Variants in MDGA1 observed in about 807,000 individuals in gnomAD.
MDGA1 encodes the protein MAM domain-containing glycosylphosphatidylinositol anchor protein 1.
In MDGA1, 54 loss-of-function variants were observed where a neutral mutation model predicts 101.5. The observed-to-expected ratio is 0.53, with a 90% confidence interval of 0.43 to 0.67. MDGA1 has a LOEUF of 0.67. Among genes scored for constraint, MDGA1 ranks in the 30% least tolerant of loss-of-function variants. The pLI is 0.00. For synonymous variants in MDGA1, 533 were observed against 558.3 expected (o/e 0.95, Z 0.64); for missense variants, 1,083 against 1,323.8 (o/e 0.82, Z 2.82).
intron 1 of MDGA1, among the ~76,000 whole-genome samples, chr6:37,681,170 C>G (rs1762089200): frequency 6.6e-6 from 1 of 152,202 alleles, no homozygotes; most frequent in Admixed American, 6.5e-5. Flanking sequence ...TCTGTTTGAA[C>G]AAATTGCTAC....
intron 3 of MDGA1, among the ~76,000 whole-genome samples, chr6:37,656,759 C>G (rs1051108345): frequency 3.9e-5 from 6 of 152,110 alleles, no homozygotes; most frequent in African/African-American, 1.4e-4. Flanking sequence ...TTTGCAATCT[C>G]CCATCATGGG....
chr6:37,642,145 A>G (rs1405214400), intron 14 of MDGA1, among the ~76,000 whole-genome samples: 1 of 79,558 alleles, frequency 1.3e-5, no homozygotes, highest in Non-Finnish European at 2.8e-5. Flanking sequence ...GATTATATAT[A>G]TGTATATATA....
chr6:37,649,814 C>CT lies in MDGA1; in HGVS notation c.1609+294dup, dbSNP rs1269482804. 5 of 622,384 alleles carry CT rather than the reference C, an allele frequency of 8.0e-6. No individual in the cohort carries two copies. In the African/African-American group the frequency reaches 9.0e-5, roughly 11 times the overall value. 38.6% of individuals were successfully genotyped at this position (622,384 alleles called of 1,614,324 possible). ...CATCCTGTTATCAGACAGTGTTTCC[C>CT]TTGAGTGTCCTTCCTCCTCCTTCAA... On this transcript the variant is annotated intron_variant, in intron 8 of 16. Coordinates refer to ENST00000434837, the MANE Select transcript of MDGA1 (RefSeq NM_153487.4).
intron 1 of MDGA1, among the ~76,000 whole-genome samples, chr6:37,695,378 C>T (rs967514997): frequency 6.6e-6 from 1 of 152,234 alleles, no homozygotes; most frequent in African/African-American, 2.4e-5. Context: ...TCTCCCAGTC[C>T]CTGCTGCATT....
At chr6:37,691,615 T>C (rs975715353) in intron 1 of MDGA1, among the ~76,000 whole-genome samples, 11 of 152,254 alleles carry the variant, frequency 7.2e-5, no homozygotes, top group African/African-American at 2.7e-4. Flanking sequence ...TTACTCATAG[T>C]AGTTACTCAT....
chr6:37,647,343 G>GA lies in MDGA1; in HGVS notation c.1895-20_1895-19insT. 1.3e-6 allele frequency: 2 copies of GA among 1,505,228 alleles called. No homozygotes were observed. Among genetic ancestry groups the GA allele is most frequent in the Non-Finnish European group, 1.8e-6 (2 of 1,115,222 alleles). 93.2% of individuals were successfully genotyped at this position (1,505,228 alleles called of 1,614,324 possible). ...GCTTTGGCTAAGAGGGCGGGGAGGG[G>GA]GGCATTGGGCCGTGGAGGGTGCAGG... On this transcript the variant is annotated intron_variant, in intron 9 of 16. Transcript: ENST00000434837.
At chr6:37,675,362 G>A (rs956058604) in intron 1 of MDGA1, among the ~76,000 whole-genome samples, 1 of 152,154 alleles carries the variant, frequency 6.6e-6, no homozygotes, top group Non-Finnish European at 1.5e-5. Context: ...GTGAGGATTC[G>A]ATGAGACAAT....
At chr6:37,670,630 T>A (rs1202100270) in intron 1 of MDGA1, among the ~76,000 whole-genome samples, 1 of 152,224 alleles carries the variant, frequency 6.6e-6, no homozygotes, top group Non-Finnish European at 1.5e-5. Flanking sequence ...GCATTATTAT[T>A]CTATAAATGA....
Position 37,638,386 on chromosome 6 carries a change from CCA to C in MDGA1, c.2668-75_2668-74del. On this transcript the variant is annotated intron_variant, in intron 15 of 16. Coordinates refer to ENST00000434837, the MANE Select transcript of MDGA1 (RefSeq NM_153487.4). This position sits in a 1 kb window ranked among gnomAD's most constrained non-coding sequence, Gnocchi z 4.8. ...TGGGTACCAGAGTGCTCCCTCGACC[CCA>C]CCTTTCCCCTTAATCTACCTGGAAG... 6.7e-7 allele frequency: 1 copy of C among 1,502,636 alleles called. No homozygotes were observed. Among genetic ancestry groups the C allele is most frequent in the South Asian group, 1.2e-5 (1 of 81,602 alleles). 93.1% of individuals were successfully genotyped at this position (1,502,636 alleles called of 1,614,324 possible).
intron 11 of MDGA1, 65 bp downstream of exon 11, chr6:37,646,133 A>G: frequency 3.2e-6 from 5 of 1,553,306 alleles, no homozygotes; most frequent in Non-Finnish European, 4.4e-6. Context: ...CCACATGAGG[A>G]TGGTGAAAGG....
intron 3 of MDGA1, among the ~76,000 whole-genome samples, chr6:37,656,431 G>C (rs1239812432): frequency 6.6e-6 from 1 of 150,968 alleles, no homozygotes; most frequent in Admixed American, 6.6e-5. Flanking sequence ...GAAGGGGAAT[G>C]GCGCAATCAT....
intron 6 of MDGA1, among the ~76,000 whole-genome samples, chr6:37,653,492 G>A (rs993320928): frequency 6.6e-6 from 1 of 152,126 alleles, no homozygotes; most frequent in Non-Finnish European, 1.5e-5. Context: ...GTGCTAAAGA[G>A]CTGGAAACAA....
intron 2 of MDGA1, among the ~76,000 whole-genome samples, 166 bp from the exon 3 acceptor site, chr6:37,658,585 C>T (rs1457326445): frequency 6.6e-6 from 1 of 152,216 alleles, no homozygotes; most frequent in Non-Finnish European, 1.5e-5. Context: ...CGTGGGAATG[C>T]ACAGACGGGG....
chr6:37,696,868 G>C lies in MDGA1; in HGVS notation c.-57C>G, dbSNP rs1166121292. The C allele has an allele frequency of 2.7e-6, 4 of 1,483,712 alleles. No homozygotes were observed. The highest frequency in any genetic ancestry group is 1.2e-5 in the South Asian group (1 of 82,650). The allele number at this position is 1,483,712 out of a possible 1,614,324, so 91.9% of individuals were successfully genotyped here. A position where few individuals can be genotyped will look rare whatever the true frequency, so the allele number is the denominator to read the frequency against. ...GGCGCAGCCCGAGAGGCGGCGGGGG[G>C]CGCATTCGCCGGGGCCCCGCGACGC... On this transcript the variant is annotated 5_prime_UTR_variant, in exon 1 of 17. Coordinates refer to ENST00000434837, the MANE Select transcript of MDGA1 (RefSeq NM_153487.4). This position sits in a 1 kb window ranked among gnomAD's most constrained non-coding sequence, Gnocchi z 5.6.
At chr6:37,694,399 TC>T (rs1487221152) in intron 1 of MDGA1, among the ~76,000 whole-genome samples, 1 of 152,204 alleles carries the variant, frequency 6.6e-6, no homozygotes, top group African/African-American at 2.4e-5. Context: ...CCTGCCTAGC[TC>T]CTGCTGTTGT....
In MDGA1 at chr6:37,655,394, C is replaced by A. The variant is rs1761460862; in HGVS notation, c.579+306G>T. 1.1e-5 allele frequency: 4 copies of A among 360,034 alleles called. No homozygotes were observed. Among genetic ancestry groups the A allele is most frequent in the Non-Finnish European group, 2.0e-5 (4 of 198,864 alleles). 22.3% of individuals were successfully genotyped at this position (360,034 alleles called of 1,614,324 possible). The stretch of plus-strand genomic sequence containing the variant: ...ATCCTGCTGTGCCTGGCCACAGGTT[C>A]CCAATACTCTGCCACCCAGCAGCAG... On this transcript the variant is annotated intron_variant, in intron 4 of 16. Coordinates refer to ENST00000434837, the MANE Select transcript of MDGA1 (RefSeq NM_153487.4). The surrounding 1 kb of genome is among the most constrained non-coding windows in gnomAD (Gnocchi z 5.1).
At chr6:37,686,059 A>G (rs1762190900) in intron 1 of MDGA1, among the ~76,000 whole-genome samples, 1 of 152,184 alleles carries the variant, frequency 6.6e-6, no homozygotes, top group South Asian at 2.1e-4. Context: ...TTTCTAACAG[A>G]ATACAGATAT....
chr6:37,650,142 G>A lies in MDGA1; in HGVS notation c.1576C>T (p.Pro526Ser). 6.2e-7 allele frequency: 1 copy of A among 1,607,118 alleles called. No individual in the cohort carries two copies. The highest frequency in any genetic ancestry group is 8.5e-7 in the Non-Finnish European group (1 of 1,174,470). ...TTCAGCTGCACCTGGGCCTCACGGGGGCGCACGTTGAAGCCATTATAGCGG... is the reference window on the plus strand; with the variant it reads ...TTCAGCTGCACCTGGGCCTCACGGGAGCGCACGTTGAAGCCATTATAGCGG... The part of the protein sequence containing the change: ...TARYNGFNVR[P>S]REAQVQLNVQ... The change falls in exon 8 of 17, where the codon CCC becomes TCC. Residue 526 changes from proline (P) to serine (S), a missense_variant. Pro to Ser is a moderately conservative substitution (Grantham distance 74, BLOSUM62 -1). Transcript: ENST00000434837.
Position 37,697,525 on chromosome 6 carries a change from G to T in MDGA1, c.-714C>A, listed in dbSNP as rs1052758805. ...CAGCCCGGCGCCCCGCGGGAATCTGGAGAGCAATTCCAGGCAAGAAGGGCC... is the reference window on the plus strand; with the variant it reads ...CAGCCCGGCGCCCCGCGGGAATCTGTAGAGCAATTCCAGGCAAGAAGGGCC... On this transcript the variant is annotated 5_prime_UTR_variant, in exon 1 of 17. Coordinates refer to ENST00000434837, the MANE Select transcript of MDGA1 (RefSeq NM_153487.4). The T allele has an allele frequency of 6.6e-6, 1 of 152,196 alleles. No individual in the cohort carries two copies. The highest frequency in any genetic ancestry group is 2.4e-5 in the African/African-American group (1 of 41,462). The allele number at this position is 152,196 out of a possible 1,614,324, so 9.4% of individuals were successfully genotyped here.
Sources: gnomAD v4.1 joint callset for allele counts (sites outside exome capture counted in the v4.1 genomes callset) on GRCh38, gnomAD v4.1.1 for gene constraint, Gnocchi (gnomAD v3.1) non-coding constraint, MANE v1.5 for transcripts, NCBI Gene and HGNC (gene_info 2026-07-23, HGNC 2026-07-21) for gene names.